FSTL5: variants seen among roughly 807,000 people sequenced by gnomAD.
FSTL5 encodes the protein follistatin-related protein 5.
FSTL5 carries 62 observed loss-of-function variants against 89.1 expected under a neutral mutation model. That is an observed-to-expected ratio of 0.70 (90% CI 0.57 to 0.86). The LOEUF is 0.86. Among genes scored for constraint, FSTL5 ranks in the 40% least tolerant of loss-of-function variants. The pLI is 0.00. For synonymous variants in FSTL5, 383 were observed against 346.2 expected (o/e 1.11, Z -1.18); for missense variants, 1,057 against 1,001.6 (o/e 1.06, Z -0.75).
chr4:161,537,326 G>A (rs553660608), intron 10 of FSTL5, among the ~76,000 whole-genome samples: 2 of 152,266 alleles, frequency 1.3e-5, no homozygotes, highest in African/African-American at 4.8e-5. Flanking sequence ...GGATTGAAGA[G>A]CAGAGAACAA....
chr4:161,944,854 T>A (rs1734693472), intron 3 of FSTL5, among the ~76,000 whole-genome samples: 1 of 151,602 alleles, frequency 6.6e-6, no homozygotes, highest in African/African-American at 2.4e-5. Context: ...AAGTTTATAA[T>A]TAGCTATAGA....
intron 2 of FSTL5, among the ~76,000 whole-genome samples, chr4:162,063,395 T>A (rs1738784955): frequency 6.6e-6 from 1 of 151,874 alleles, no homozygotes; most frequent in Admixed American, 6.6e-5. Flanking sequence ...GATTTTAATT[T>A]CAAAAGCCCT....
In FSTL5 at chr4:161,385,844, T is replaced by C; in HGVS notation, c.2447A>G (p.Asp816Gly). 6.2e-7 allele frequency: 1 copy of C among 1,613,664 alleles called. No homozygotes were observed. Among genetic ancestry groups the C allele is most frequent in the Non-Finnish European group, 8.5e-7 (1 of 1,179,782 alleles). Reference protein sequence around the residue: ...FGQYLMTPSKDSLFILDGRLN... With the variant: ...FGQYLMTPSKGSLFILDGRLN... The stretch of plus-strand genomic sequence containing the variant: ...TCGTCCATCTAGGATGAAGAGAGAG[T>C]CCTTGGAAGGTGTCATCAGGTATTG... Residue 816 changes from aspartate (D) to glycine (G), a missense_variant, in exon 16 of 16, where the codon GAC (aspartate) becomes GGC (glycine). This residue lies in a region of FSTL5 where 68 missense variants were observed against 73.3 expected (regional missense o/e 0.93). Transcript: ENST00000306100.
intron 6 of FSTL5, among the ~76,000 whole-genome samples, chr4:161,705,995 T>C (rs1400600794): frequency 2.1e-4 from 8 of 37,534 alleles, no homozygotes; most frequent in African/African-American, 5.6e-4. Context: ...TATATATATA[T>C]ACACACATCT....
intron 15 of FSTL5, among the ~76,000 whole-genome samples, chr4:161,439,717 A>AAC (rs35746681): frequency 0.67 from 100,779 of 150,912 alleles, 33,932 homozygotes; most frequent in South Asian, 0.91. Flanking sequence ...CTGATTATTT[A>AAC]ACACACACAC....
chr4:162,153,797 G>GTGTA (rs1554004019), intron 1 of FSTL5, among the ~76,000 whole-genome samples: 81 of 128,712 alleles, frequency 6.3e-4, no homozygotes, highest in African/African-American at 2.0e-3. Context: ...ATATGTATAT[G>GTGTA]TATATATATA....
intron 7 of FSTL5, among the ~76,000 whole-genome samples, chr4:161,592,197 C>A (rs1341394321): frequency 6.6e-6 from 1 of 152,142 alleles, no homozygotes; most frequent in African/African-American, 2.4e-5. Flanking sequence ...ATGTCAACCC[C>A]TGTATTTCTT....
At chr4:162,136,927 A>G (rs1180069512) in intron 1 of FSTL5, among the ~76,000 whole-genome samples, 4 of 152,048 alleles carry the variant, frequency 2.6e-5, no homozygotes, top group Non-Finnish European at 5.9e-5. Flanking sequence ...AAAAATTTCT[A>G]TTTTTTAAAA....
chr4:161,680,679 T>A (rs1737487840), intron 6 of FSTL5, among the ~76,000 whole-genome samples: 1 of 151,768 alleles, frequency 6.6e-6, no homozygotes, highest in African/African-American at 2.4e-5. Flanking sequence ...ACATAAGGAA[T>A]AATTTAGGGA....
intron 13 of FSTL5, among the ~76,000 whole-genome samples, chr4:161,460,526 C>G (rs1247071645): frequency 1.3e-5 from 2 of 151,980 alleles, no homozygotes; most frequent in Non-Finnish European, 2.9e-5. Flanking sequence ...AAGTACTTAT[C>G]CATAATGCAA....
intron 8 of FSTL5, among the ~76,000 whole-genome samples, chr4:161,559,413 A>G (rs1054481579): frequency 1.4e-5 from 2 of 145,220 alleles, no homozygotes; most frequent in African/African-American, 5.1e-5. Context: ...ACTTTTCTTC[A>G]TTGTCCTTTA....
chr4:161,476,180 T>TTTTC (rs1734134313), intron 13 of FSTL5, among the ~76,000 whole-genome samples: 2 of 102,090 alleles, frequency 2.0e-5, no homozygotes, highest in South Asian at 7.7e-4. Context: ...CTGGTTTTTT[T>TTTTC]TTTTTTTTGT....
chr4:161,449,305 T>C (rs771913773), intron 15 of FSTL5, among the ~76,000 whole-genome samples: 2 of 152,176 alleles, frequency 1.3e-5, no homozygotes, highest in Non-Finnish European at 2.9e-5. Context: ...ATAATAAGTA[T>C]ATCAATTTCC....
At chr4:162,151,033 T>G (rs777455508) in intron 1 of FSTL5, among the ~76,000 whole-genome samples, 7 of 152,094 alleles carry the variant, frequency 4.6e-5, no homozygotes, top group Non-Finnish European at 7.4e-5. Context: ...AATCAATTAC[T>G]TTAGTATGAA....
At chr4:162,009,870 G>A (rs1255605502) in intron 3 of FSTL5, among the ~76,000 whole-genome samples, 1 of 151,572 alleles carries the variant, frequency 6.6e-6, no homozygotes, top group East Asian at 1.9e-4. Flanking sequence ...GTAGCACCAA[G>A]CTATAAAGAT....
intron 7 of FSTL5, among the ~76,000 whole-genome samples, chr4:161,598,833 A>G (rs1036488202): frequency 6.6e-6 from 1 of 152,142 alleles, no homozygotes. Context: ...AAAAATCAAG[A>G]GCAAAGGAAA....
intron 7 of FSTL5, among the ~76,000 whole-genome samples, chr4:161,641,026 C>A (rs1173007942): frequency 6.6e-6 from 1 of 152,174 alleles, no homozygotes; most frequent in Admixed American, 6.5e-5. Context: ...AAGAAATAAG[C>A]TGCCAACCAG....
At chr4:161,494,920 G>C (rs1454079481) in intron 12 of FSTL5, among the ~76,000 whole-genome samples, 2 of 152,116 alleles carry the variant, frequency 1.3e-5, no homozygotes, top group East Asian at 3.9e-4. Flanking sequence ...AAATTAATCA[G>C]ATTCAGTGGT....
chr4:161,947,003 G>A (rs1353464353), intron 3 of FSTL5, among the ~76,000 whole-genome samples: 2 of 151,974 alleles, frequency 1.3e-5, no homozygotes, highest in Non-Finnish European at 2.9e-5. Context: ...TGTAATGATT[G>A]ACATTTAAAT....
Sources: gnomAD v4.1 joint callset for allele counts (sites outside exome capture counted in the v4.1 genomes callset) on GRCh38, gnomAD v4.1.1 for gene constraint, gnomAD v4.1.1 regional missense constraint, MANE v1.5 for transcripts, NCBI Gene and HGNC (gene_info 2026-07-23, HGNC 2026-07-21) for gene names.